DIDO1: variants seen among roughly 807,000 people sequenced by gnomAD.
The protein encoded by DIDO1 is death-inducer obliterator 1.
Under a neutral mutation model 99.4 loss-of-function variants are expected in DIDO1, and 16 were observed. The ratio of observed to expected loss-of-function variants is 0.16; its 90% CI spans 0.11 to 0.24. The LOEUF is 0.24. Ranked by LOEUF, DIDO1 falls within the 10% of genes least tolerant of loss-of-function variation. The pLI is 1.00. For synonymous variants in DIDO1, 1,366 were observed against 1,239.1 expected (o/e 1.10, Z -2.15); for missense variants, 2,996 against 3,014.0 (o/e 0.99, Z 0.14).
intron 1 of DIDO1, among the ~76,000 whole-genome samples, chr20:62,934,885 T>C (rs1469861414): frequency 6.6e-6 from 1 of 152,230 alleles, no homozygotes; most frequent in Admixed American, 6.5e-5. Context: ...CCGGCCACTT[T>C]CTTGCTACCC....
At chr20:62,889,910 T>TA in intron 15 of DIDO1, 1 of 985,448 alleles carries the variant, frequency 1.0e-6, no homozygotes, top group Non-Finnish European at 1.2e-6. Flanking sequence ...AACACAGGCA[T>TA]AGGCTGAGCC....
chr20:62,894,277 A>C lies in DIDO1; in HGVS notation c.2573-83T>G. The C allele has an allele frequency of 6.3e-7, 1 of 1,574,906 alleles. No individual in the cohort carries two copies. The highest frequency in any genetic ancestry group is 8.6e-7 in the Non-Finnish European group (1 of 1,159,354). ...ACACAAAGCCGAAAGCAATACTCTA[A>C]AGGCAGGGCAGGAAATCATTCTGGC... is the stretch of plus-strand genomic sequence containing the variant. On this transcript the variant is annotated intron_variant, in intron 11 of 15. Transcript: ENST00000395343. This position sits in a 1 kb window ranked among gnomAD's most constrained non-coding sequence, Gnocchi z 4.4.
intron 1 of DIDO1, among the ~76,000 whole-genome samples, chr20:62,924,569 G>A (rs1177487667): frequency 6.6e-6 from 1 of 152,184 alleles, no homozygotes; most frequent in Non-Finnish European, 1.5e-5. Context: ...AGTATCAACA[G>A]CAGAACCTGC....
chr20:62,878,994 T>C lies in DIDO1; in HGVS notation c.*239A>G, dbSNP rs1600891747. On this transcript the variant is annotated 3_prime_UTR_variant, in exon 16 of 16. Transcript: ENST00000395343. ...ATGATCTGAAAAGCAATATGCTCCG[T>C]AGGCAATTTCCCATTTCTTTTAATT... is the stretch of plus-strand genomic sequence containing the variant. 2 of 437,938 alleles carry C rather than the reference T, an allele frequency of 4.6e-6. 1 individual carries two copies. The highest frequency in any genetic ancestry group is 7.2e-5 in the East Asian group (2 of 27,788). The allele number at this position is 437,938 out of a possible 1,614,324, so 27.1% of individuals were successfully genotyped here.
At chr20:62,897,470 C>T (rs6010779) in intron 6 of DIDO1, among the ~76,000 whole-genome samples, 2,659 of 152,298 alleles carry the variant, frequency 0.017, 77 homozygotes, top group African/African-American at 0.061. Context: ...CATCTCACTT[C>T]GTTGTCCTTC....
chr20:62,923,103 G>A (rs1411908267), intron 1 of DIDO1, among the ~76,000 whole-genome samples: 1 of 152,204 alleles, frequency 6.6e-6, no homozygotes, highest in Non-Finnish European at 1.5e-5. Flanking sequence ...CTGGCTTCAA[G>A]GGGTCCTCTG....
At chr20:62,907,765 G>A in intron 4 of DIDO1, among the ~76,000 whole-genome samples, 1 of 152,230 alleles carries the variant, frequency 6.6e-6, no homozygotes, top group East Asian at 1.9e-4. Flanking sequence ...GCTAAATCAG[G>A]TAAAAACCCT....
chr20:62,923,582 C>T (rs2065196948), intron 1 of DIDO1, among the ~76,000 whole-genome samples: 1 of 152,224 alleles, frequency 6.6e-6, no homozygotes, highest in Non-Finnish European at 1.5e-5. Context: ...GCCACAGCCT[C>T]CAACGCATCC....
In DIDO1 at chr20:62,911,190, C is replaced by T; in HGVS notation, c.423G>A (p.Lys141=). ...CATCGTGGTCATCCCCTCCTTTCAC[C>T]TTTTCAGAAGAGGCTGGTCGTTCCT... ...AVKERPASSE[K]VKGGDDHDDT... Residue 141 remains lysine (K), a synonymous_variant, in exon 3 of 16, where the codon AAG becomes AAA. Transcript: ENST00000395343. This position sits in a 1 kb window ranked among gnomAD's most constrained non-coding sequence, Gnocchi z 7.0. 1 of 1,613,964 alleles carries T rather than the reference C, an allele frequency of 6.2e-7. No individual in the cohort carries two copies. The highest frequency in any genetic ancestry group is 8.5e-7 in the Non-Finnish European group (1 of 1,180,034).
chr20:62,907,489 A>C, intron 4 of DIDO1, 130 bp from the exon 5 acceptor site: 1 of 857,072 alleles, frequency 1.2e-6, no homozygotes, highest in Non-Finnish European at 1.8e-6. Context: ...CAGTACTTTT[A>C]ATATGAATAA....
chr20:62,900,548 G>C (rs182684660), intron 6 of DIDO1, among the ~76,000 whole-genome samples: 1 of 152,346 alleles, frequency 6.6e-6, no homozygotes, highest in African/African-American at 2.4e-5. Flanking sequence ...AGTTTTAGCA[G>C]GACAGGGATT....
In DIDO1 at chr20:62,878,153, TAA is replaced by T. The variant is rs1481796792; in HGVS notation, c.*1078_*1079del. On this transcript the variant is annotated 3_prime_UTR_variant, in exon 16 of 16. Transcript: ENST00000395343. ...GTGAAGTTCTTTAATTTTACATCTG[TAA>T]AAGTTTATGAAAATATAAAAAATTA... is the stretch of plus-strand genomic sequence containing the variant. The T allele has an allele frequency of 6.6e-6, 1 of 152,246 alleles. No individual in the cohort carries two copies. Among genetic ancestry groups the T allele is most frequent in the Non-Finnish European group, 1.5e-5 (1 of 68,038 alleles). The allele number at this position is 152,246 out of a possible 1,614,324, so 9.4% of individuals were successfully genotyped here. A position where few individuals can be genotyped will look rare whatever the true frequency, so the allele number is the denominator to read the frequency against.
At chr20:62,902,898 A>T (rs545379874) in intron 6 of DIDO1, among the ~76,000 whole-genome samples, 1 of 152,328 alleles carries the variant, frequency 6.6e-6, no homozygotes, top group African/African-American at 2.4e-5. Context: ...ATTTAGGGAG[A>T]CAAAATACTA....
chr20:62,915,880 G>A (rs1038178915), intron 1 of DIDO1, among the ~76,000 whole-genome samples: 4 of 152,074 alleles, frequency 2.6e-5, no homozygotes, highest in African/African-American at 7.3e-5. Flanking sequence ...GTTAATCTGC[G>A]AATAAACACG....
intron 6 of DIDO1, 110 bp from the exon 7 acceptor site, chr20:62,897,106 C>T (rs761417716): frequency 9.3e-6 from 9 of 972,260 alleles, no homozygotes; most frequent in East Asian, 2.6e-5. Context: ...CCTGGCATTA[C>T]TGAATAGGAT....
Position 62,894,173 on chromosome 20 carries a change from T to A in DIDO1, c.2594A>T (p.Asp865Val). Residue 865 changes from aspartate (D) to valine (V), a missense_variant, in exon 12 of 16, where the codon GAT becomes GTT. By Grantham distance (152) the Asp-to-Val change is radical (BLOSUM62 -3). Around this residue, in one of 5 missense-constraint regions of DIDO1, gnomAD observed 898 missense variants for 972.7 expected, o/e 0.92. Coordinates refer to ENST00000395343, the MANE Select transcript of DIDO1 (RefSeq NM_001193369.2). The surrounding 1 kb of genome is among the most constrained non-coding windows in gnomAD (Gnocchi z 4.4). ...ICTGQVPSAE[D>V]EPAPKKQKLS... ...TTTTTGTTTTTTCGGAGCTGGCTCA[T>A]CTTCTGCGGAGGGAACCTGGCCTGA... 15 of 1,613,642 alleles carry A rather than the reference T, an allele frequency of 9.3e-6. No individual in the cohort carries two copies. The highest frequency in any genetic ancestry group is 3.3e-4 in the Middle Eastern group (2 of 6,054).
chr20:62,909,909 T>A lies in DIDO1; in HGVS notation c.951A>T (p.Pro317=). ...LERNGEDYIC[P]NCTILQVQDE... ...CCTGCACTTGCAGAATGGTGCAGTT[T>A]GGGCAGATATAGTCTTCCCCATTCC... The change falls in exon 4 of 16, where the codon CCA becomes CCT. Residue 317 remains proline, a synonymous_variant. Coordinates refer to ENST00000395343, the MANE Select transcript of DIDO1 (RefSeq NM_001193369.2). 1 of 1,614,240 alleles carries A rather than the reference T, an allele frequency of 6.2e-7. No homozygotes were observed. Among genetic ancestry groups the A allele is most frequent in the Non-Finnish European group, 8.5e-7 (1 of 1,180,050 alleles).
intron 15 of DIDO1, chr20:62,887,812 G>C: frequency 1.0e-6 from 1 of 985,514 alleles, no homozygotes; most frequent in Non-Finnish European, 1.2e-6. Context: ...GGTAAAGCTG[G>C]AACTGAGTGG....
chr20:62,916,930 C>T (rs556329210), intron 1 of DIDO1, among the ~76,000 whole-genome samples: 6 of 152,370 alleles, frequency 3.9e-5, no homozygotes, highest in East Asian at 3.9e-4. Flanking sequence ...CACGTCCTTG[C>T]ACTCTGGACC....
Sources: gnomAD v4.1 joint callset for allele counts (sites outside exome capture counted in the v4.1 genomes callset) on GRCh38, gnomAD v4.1.1 for gene constraint, gnomAD v4.1.1 regional missense constraint, Gnocchi (gnomAD v3.1) non-coding constraint, MANE v1.5 for transcripts, NCBI Gene and HGNC (gene_info 2026-07-23, HGNC 2026-07-21) for gene names.